Variants in NRIP3 observed in about 807,000 individuals in gnomAD.
The protein encoded by NRIP3 is nuclear receptor interacting protein 3, also known as nuclear receptor-interacting protein 3.
A neutral mutation model predicts 29.0 loss-of-function variants in NRIP3; 31 were observed. The observed-to-expected ratio is 1.07, with a 90% confidence interval of 0.80 to 1.44. NRIP3 has a LOEUF of 1.44. NRIP3 is among the 40% of genes most tolerant of loss of function. NRIP3 has a pLI of 0.00. For synonymous variants in NRIP3, 131 were observed against 118.3 expected (o/e 1.11, Z -0.70); for missense variants, 314 against 297.9 (o/e 1.05, Z -0.40).
rs974571527 is a variant in NRIP3, at chr11:8,981,329, G to T, written c.*2216C>A. The T allele has an allele frequency of 1.3e-5, 2 of 152,124 alleles. No individual in the cohort carries two copies. The highest frequency in any genetic ancestry group is 1.3e-4 in the Admixed American group (2 of 15,258). 9.4% of individuals were successfully genotyped at this position (152,124 alleles called of 1,614,324 possible). On this transcript the variant is annotated 3_prime_UTR_variant, in exon 7 of 7. Transcript: ENST00000309166. Reference sequence around the variant, plus strand: ...TAAAAATACAAAAAATTAGCCAGGCGTGGTGGCAGGTGCCTGTAGTCCCAG... The same window carrying T: ...TAAAAATACAAAAAATTAGCCAGGCTTGGTGGCAGGTGCCTGTAGTCCCAG...
At chr11:8,984,874 G>A (rs189717861) in intron 4 of NRIP3, among the ~76,000 whole-genome samples, 9 of 151,488 alleles carry the variant, frequency 5.9e-5, no homozygotes, top group East Asian at 1.9e-4. Context: ...CTTTTGAGAC[G>A]GAGTTTCGCT....
chr11:8,995,847 T>C (rs1226703803), intron 1 of NRIP3, among the ~76,000 whole-genome samples: 1 of 152,244 alleles, frequency 6.6e-6, no homozygotes, highest in Non-Finnish European at 1.5e-5. Flanking sequence ...CCTTTATTCA[T>C]TCAGATTCAA....
chr11:9,000,347 A>T (rs537951037), intron 1 of NRIP3, among the ~76,000 whole-genome samples: 1 of 152,198 alleles, frequency 6.6e-6, no homozygotes, highest in East Asian at 1.9e-4. Context: ...TCTCCAGCCC[A>T]TGATTTGTGG....
chr11:8,998,413 G>T (rs1490893566), intron 1 of NRIP3, among the ~76,000 whole-genome samples: 2 of 152,176 alleles, frequency 1.3e-5, no homozygotes, highest in Non-Finnish European at 2.9e-5. Flanking sequence ...GCTCACGGAG[G>T]CTGCATTTTG....
At chr11:8,991,815 A>T (rs2134918048) in intron 1 of NRIP3, among the ~76,000 whole-genome samples, 1 of 152,336 alleles carries the variant, frequency 6.6e-6, no homozygotes, top group African/African-American at 2.4e-5. Flanking sequence ...TAGCCATATG[A>T]CTGAGTTCTA....
Position 8,985,810 on chromosome 11 carries a change from T to C in NRIP3, c.463A>G (p.Lys155Glu). The change falls in exon 4 of 7, where the codon AAG becomes GAG. Residue 155 changes from lysine to glutamate, a missense_variant. Physicochemically the swap from Lys to Glu is moderately conservative, Grantham distance 56. Coordinates refer to ENST00000309166, the MANE Select transcript of NRIP3 (RefSeq NM_020645.3). ...TTGAGATGCCGGGGTAGAGAAAGCTTTTCTCCTTCATGCTTGTGGGATTTG... is the reference window on the plus strand; with the variant it reads ...TTGAGATGCCGGGGTAGAGAAAGCTCTTCTCCTTCATGCTTGTGGGATTTG... ...HVKSHKHEGE[K>E]LSLPRHLKVV... 4.3e-6 allele frequency: 7 copies of C among 1,614,112 alleles called. No individual in the cohort carries two copies. Among genetic ancestry groups the C allele is most frequent in the Non-Finnish European group, 5.9e-6 (7 of 1,180,026 alleles).
At position 8,984,940 on chromosome 11, in the gene NRIP3, C is replaced by T. The variant is rs181644780; in HGVS notation, c.562+771G>A. 3.3e-5 allele frequency among the ~76,000 whole-genome samples: 5 copies of T among 152,036 alleles called. No homozygotes were observed. In the East Asian group the frequency reaches 7.7e-4, roughly 24 times the overall value. ...GATCTCTGCTCACTGCAAGCTCTGC[C>T]TCTCGGGTCCAAGCGATTCTCCTAC... On this transcript the variant is annotated intron_variant, in intron 4 of 6. Transcript: ENST00000309166.
chr11:8,986,976 C>T (rs1305224105), intron 3 of NRIP3, among the ~76,000 whole-genome samples: 1 of 152,234 alleles, frequency 6.6e-6, no homozygotes, highest in African/African-American at 2.4e-5. Context: ...TGAGATTGCA[C>T]CACTGCACTC....
In NRIP3 at chr11:9,003,893, T is replaced by C. The variant is rs1854862465; in HGVS notation, c.43A>G (p.Thr15Ala). 1 of 1,523,302 alleles carries C rather than the reference T, an allele frequency of 6.6e-7. No individual in the cohort carries two copies. Among genetic ancestry groups the C allele is most frequent in the Non-Finnish European group, 8.8e-7 (1 of 1,136,756 alleles). 94.4% of individuals were successfully genotyped at this position (1,523,302 alleles called of 1,614,324 possible). A position where few individuals can be genotyped will look rare whatever the true frequency, so the allele number is the denominator to read the frequency against. ...AGTGACGCCGCCTCCCGCATGTCGG[T>C]CTCCTTGCGGCCGCCCTCAGTGAGG... The part of the protein sequence containing the change: ...GLLTEGGRKE[T>A]DMREAASLRQ... The change falls in exon 1 of 7, where the codon ACC (threonine) becomes GCC (alanine). Residue 15 changes from threonine to alanine, a missense_variant. Physicochemically the swap from Thr to Ala is moderately conservative, Grantham distance 58. Transcript: ENST00000309166.
In NRIP3 at chr11:8,985,751, T is replaced by G. The variant is rs1854510962; in HGVS notation, c.522A>C (p.Thr174=). The G allele has an allele frequency of 6.2e-7, 1 of 1,614,162 alleles. No individual in the cohort carries two copies. Among genetic ancestry groups the G allele is most frequent in the East Asian group, 2.2e-5 (1 of 44,876 alleles). ...VVGQIEHLVI[T]LGSLRLDCPA... The stretch of plus-strand genomic sequence containing the variant: ...GGCAGTCCAGGCGGAGGGAGCCCAG[T>G]GTGATCACTAGGTGCTCAATCTGGC... Residue 174 remains threonine, a synonymous_variant, in exon 4 of 7, where the codon ACA becomes ACC. Coordinates refer to ENST00000309166, the MANE Select transcript of NRIP3 (RefSeq NM_020645.3).
At chr11:8,984,995 G>T (rs547489030) in intron 4 of NRIP3, among the ~76,000 whole-genome samples, 5 of 151,712 alleles carry the variant, frequency 3.3e-5, no homozygotes, top group Non-Finnish European at 7.4e-5. Context: ...GGGATTAAAG[G>T]TATGCGCCAC....
chr11:8,985,684 A>G, intron 4 of NRIP3, 27 bp downstream of exon 4: 1 of 1,610,622 alleles, frequency 6.2e-7, no homozygotes, highest in African/African-American at 1.3e-5. Context: ...GTTAGGGTCC[A>G]TAGGTCCAGC....
chr11:9,001,346 C>T (rs1445212244), intron 1 of NRIP3, among the ~76,000 whole-genome samples: 1 of 152,116 alleles, frequency 6.6e-6, no homozygotes, highest in East Asian at 1.9e-4. Context: ...GTGAACATTA[C>T]AGAAACAGCA....
chr11:8,992,312 A>G (rs774400212), intron 1 of NRIP3, among the ~76,000 whole-genome samples: 10 of 152,210 alleles, frequency 6.6e-5, no homozygotes, highest in Non-Finnish European at 1.0e-4. Flanking sequence ...ATTAGTTGAT[A>G]GCTTGGCTAG....
At chr11:8,994,940 C>T (rs1854674846) in intron 1 of NRIP3, among the ~76,000 whole-genome samples, 1 of 152,148 alleles carries the variant, frequency 6.6e-6, no homozygotes, top group Admixed American at 6.5e-5. Flanking sequence ...ATTCTAGACC[C>T]ATAGATCCAA....
intron 2 of NRIP3, 98 bp downstream of exon 2, chr11:8,988,020 A>C (rs1854543721): frequency 8.5e-7 from 1 of 1,182,538 alleles, no homozygotes. Context: ...AAACTCACTT[A>C]TGAATTCCAT....
At chr11:8,983,720 G>A (rs1289109900) in intron 6 of NRIP3, 155 bp downstream of exon 6, 1 of 868,526 alleles carries the variant, frequency 1.2e-6, no homozygotes, top group African/African-American at 1.7e-5. Flanking sequence ...GTTTTGTGGG[G>A]TGATGAACTC....
rs1354157987 is a variant in NRIP3, at chr11:8,982,644, TC to T, written c.*900del. On this transcript the variant is annotated 3_prime_UTR_variant, in exon 7 of 7. Coordinates refer to ENST00000309166, the MANE Select transcript of NRIP3 (RefSeq NM_020645.3). Reference sequence around the variant, plus strand: ...CCTCTGTCTGTGGTTCCTCCTTTCCTCCAAGAGGTTCACAGTGAGAAACCAT... The same window carrying T: ...CCTCTGTCTGTGGTTCCTCCTTTCCTCAAGAGGTTCACAGTGAGAAACCAT... 4.9e-6 allele frequency: 1 copy of T among 204,580 alleles called. No individual in the cohort carries two copies. Among genetic ancestry groups the T allele is most frequent in the Non-Finnish European group, 9.9e-6 (1 of 100,634 alleles). The allele number at this position is 204,580 out of a possible 1,614,324, so 12.7% of individuals were successfully genotyped here.
At chr11:9,003,290 A>G (rs1306041265) in intron 1 of NRIP3, among the ~76,000 whole-genome samples, 3 of 152,026 alleles carry the variant, frequency 2.0e-5, no homozygotes, top group Non-Finnish European at 4.4e-5. Context: ...GCATAGGGGG[A>G]CAATGGATTC....
Sources: allele counts gnomAD v4.1 joint callset (sites outside exome capture counted in the v4.1 genomes callset), GRCh38; gene constraint gnomAD v4.1.1; transcripts MANE v1.5; gene names NCBI Gene and HGNC (gene_info 2026-07-23, HGNC 2026-07-21).